Variants in SMG7 observed in about 807,000 individuals in gnomAD.
SMG7 encodes SMG7 nonsense mediated mRNA decay factor, also known as nonsense-mediated mRNA decay factor SMG7.
A neutral mutation model predicts 148.2 loss-of-function variants in SMG7; 34 were observed. The ratio of observed to expected loss-of-function variants is 0.23; its 90% CI spans 0.17 to 0.31. The LOEUF (loss-of-function observed/expected upper bound fraction) is 0.31. SMG7 is among the 10% of genes least tolerant of loss of function. The pLI is 1.00. For missense variants in SMG7, 1,114 were observed against 1,408.4 expected, an observed-to-expected ratio of 0.79 and a Z score of 3.35; for synonymous variants, 492 against 515.1, an observed-to-expected ratio of 0.96 and a Z score of 0.61.
In SMG7 at chr1:183,553,608, G is replaced by GCCCCCCCCCCCCCCCC. The variant is rs3832026; in HGVS notation, c.*1685_*1686insCCCCCCCCCCCCCCCC. 7 of 128,294 alleles carry GCCCCCCCCCCCCCCCC rather than the reference G, an allele frequency of 5.5e-5. No homozygotes were observed. Among genetic ancestry groups the GCCCCCCCCCCCCCCCC allele is most frequent in the Admixed American group, 9.0e-5 (1 of 11,096 alleles). 7.9% of individuals were successfully genotyped at this position (128,294 alleles called of 1,614,324 possible). A position where few individuals can be genotyped will look rare whatever the true frequency, so the allele number is the denominator to read the frequency against. ...TTGCTCTTCAGAGAGAGTGGTTGGA[G>GCCCCCCCCCCCCCCCC]CCCCCCCCGCCCCGTATGCTTACAT... On this transcript the variant is annotated 3_prime_UTR_variant, in exon 23 of 23. Coordinates refer to ENST00000688051, the MANE Select transcript of SMG7 (RefSeq NM_001375584.1).
In SMG7 at chr1:183,542,153, G is replaced by A. The variant is rs556214694; in HGVS notation, c.1493G>A (p.Ser498Asn). The change falls in exon 14 of 23, where the codon AGT (serine) becomes AAT (asparagine). Residue 498 changes from serine to asparagine, a missense_variant. Physicochemically the swap from Ser to Asn is conservative, Grantham distance 46. Transcript: ENST00000688051. ...CCAGAATTAATACTGGAAGACCCCA[G>A]TGAAGCCAAAGAGAACCTCATTCTG... ...EIPELILEDP[S>N]EAKENLILQE... is the part of the protein sequence containing the mutation. The A allele has an allele frequency of 6.2e-7, 1 of 1,614,126 alleles. No individual in the cohort carries two copies. The highest frequency in any genetic ancestry group is 1.3e-5 in the African/African-American group (1 of 75,036).
chr1:183,521,169 G>A (rs1289679695), intron 4 of SMG7, among the ~76,000 whole-genome samples: 1 of 151,340 alleles, frequency 6.6e-6, no homozygotes, highest in Non-Finnish European at 1.5e-5. Context: ...GTGCAGTGGC[G>A]CTCACTGCAA....
At position 183,552,865 on chromosome 1, in the gene SMG7, C is replaced by T. The variant is rs932589781; in HGVS notation, c.*934C>T. 46 of 1,434,776 alleles carry T rather than the reference C, an allele frequency of 3.2e-5. No homozygotes were observed. Among genetic ancestry groups the T allele is most frequent in the Non-Finnish European group, 4.0e-5 (44 of 1,098,822 alleles). The allele number at this position is 1,434,776 out of a possible 1,614,324, so 88.9% of individuals were successfully genotyped here. ...ATTTTTTCTTTGGTTGGTTTTTGTG[C>T]CCCCATTCTACTTCCCACCCTCCTG... is the stretch of plus-strand genomic sequence containing the variant. On this transcript the variant is annotated 3_prime_UTR_variant, in exon 23 of 23. Coordinates refer to ENST00000688051, the MANE Select transcript of SMG7 (RefSeq NM_001375584.1).
chr1:183,532,699 T>G (rs1667082707), intron 8 of SMG7, among the ~76,000 whole-genome samples: 1 of 152,194 alleles, frequency 6.6e-6, no homozygotes, highest in African/African-American at 2.4e-5. Flanking sequence ...AAGAGTAAAT[T>G]TTATGACAAA....
At position 183,554,123 on chromosome 1, in the gene SMG7, T is replaced by C. The variant is rs1671502467; in HGVS notation, c.*2192T>C. On this transcript the variant is annotated 3_prime_UTR_variant, in exon 23 of 23. Transcript: ENST00000688051. ...TTTTCTGGGTTTTGTTTTTTGTTTT[T>C]GTCTGTGCAAGACCTGCAGCTGCTG... 1.3e-5 allele frequency: 2 copies of C among 152,664 alleles called. No homozygotes were observed. The highest frequency in any genetic ancestry group is 4.1e-4 in the South Asian group (2 of 4,822). The allele number at this position is 152,664 out of a possible 1,614,324, so 9.5% of individuals were successfully genotyped here.
In SMG7 at chr1:183,506,653, TA is replaced by T. The variant is rs80096048; in HGVS notation, c.30-6170del. On this transcript the variant is annotated intron_variant, in intron 1 of 22. Coordinates refer to ENST00000688051, the MANE Select transcript of SMG7 (RefSeq NM_001375584.1). ...ACTTGTGGCTTTTGGTTAAATTTCT[TA>T]AAAAAAAAAAAAACACGAAAAAACT... Among the ~76,000 whole-genome samples the T allele has an allele frequency of 3.1e-3, 425 of 138,580 alleles. 4 individuals carry two copies. The highest frequency in any genetic ancestry group is 0.026 in the East Asian group (128 of 4,922). 90.9% of individuals were successfully genotyped at this position (138,580 alleles called of 152,430 possible).
chr1:183,474,039 C>T (rs151059279), intron 1 of SMG7: 282 of 209,372 alleles, frequency 1.3e-3, no homozygotes, highest in African/African-American at 6.1e-3. Flanking sequence ...CATATATGCC[C>T]AGTGACCACA....
At chr1:183,473,003 G>A (rs949694424) in intron 1 of SMG7, 3 of 321,990 alleles carry the variant, frequency 9.3e-6, no homozygotes, top group Non-Finnish European at 5.7e-6. Flanking sequence ...GGGTGTGGAG[G>A]AGTCTGATCC....
intron 18 of SMG7, among the ~76,000 whole-genome samples, chr1:183,547,896 T>C (rs1237511367): frequency 6.6e-6 from 1 of 152,174 alleles, no homozygotes; most frequent in Non-Finnish European, 1.5e-5. Flanking sequence ...TCAAAGAACA[T>C]CATTCTATAT....
At chr1:183,498,635 G>T (rs970708847) in intron 1 of SMG7, among the ~76,000 whole-genome samples, 1 of 152,154 alleles carries the variant, frequency 6.6e-6, no homozygotes, top group African/African-American at 2.4e-5. Context: ...CAGACAAATT[G>T]CGAGAAAGGT....
intron 1 of SMG7, among the ~76,000 whole-genome samples, chr1:183,511,031 A>G (rs1662003249): frequency 6.6e-6 from 1 of 151,822 alleles, no homozygotes; most frequent in South Asian, 2.1e-4. Flanking sequence ...GCATTGTGGC[A>G]TGCGCCTGTA....
intron 1 of SMG7, among the ~76,000 whole-genome samples, chr1:183,505,970 A>G (rs1309363195): frequency 6.6e-6 from 1 of 152,210 alleles, no homozygotes; most frequent in African/African-American, 2.4e-5. Context: ...CTGGTTTTCT[A>G]TTGAAGGACA....
chr1:183,524,238 C>T (rs963771577), intron 4 of SMG7, among the ~76,000 whole-genome samples: 4 of 152,062 alleles, frequency 2.6e-5, no homozygotes, highest in African/African-American at 7.2e-5. Flanking sequence ...TGCATGCCAC[C>T]ACACGTGGCT....
At chr1:183,491,533 G>A (rs1209994200) in intron 1 of SMG7, among the ~76,000 whole-genome samples, 1 of 152,080 alleles carries the variant, frequency 6.6e-6, no homozygotes, top group Non-Finnish European at 1.5e-5. Flanking sequence ...ATATACACTC[G>A]GGTACATACA....
chr1:183,517,531 G>T, intron 3 of SMG7, 157 bp from the exon 4 acceptor site: 1 of 728,382 alleles, frequency 1.4e-6, no homozygotes. Flanking sequence ...TGTTCAAAGG[G>T]AAGCATAAAG....
intron 15 of SMG7, 122 bp downstream of exon 15, chr1:183,544,619 CT>C: frequency 1.9e-6 from 2 of 1,036,518 alleles, no homozygotes; most frequent in South Asian, 1.7e-5. Context: ...TCTATTTTCC[CT>C]AATACTTATA....
chr1:183,484,586 C>G lies in SMG7; in HGVS notation c.29+11937C>G, dbSNP rs546056158. ...AGAATGTGTCACCAGGAACAATTCT[C>G]TCTCCCTTTAAATGCTAACAGGGAA... On this transcript the variant is annotated intron_variant, in intron 1 of 22. Coordinates refer to ENST00000688051, the MANE Select transcript of SMG7 (RefSeq NM_001375584.1). Among the ~76,000 whole-genome samples, 37 of 152,138 alleles carry G rather than the reference C, an allele frequency of 2.4e-4. No individual in the cohort carries two copies. The South Asian group carries it at 6.6e-3, about 27-fold the overall frequency.
At position 183,508,912 on chromosome 1, in the gene SMG7, T is replaced by G. The variant is rs112390184; in HGVS notation, c.30-3925T>G. ...AACTAATAAAAACAGACTTTTACTC[T>G]GCAGACACTATTGTTGATGATTCCT... On this transcript the variant is annotated intron_variant, in intron 1 of 22. Transcript: ENST00000688051. Among the ~76,000 whole-genome samples, 325 of 152,370 alleles carry G rather than the reference T, an allele frequency of 2.1e-3. 3 individuals are homozygous for G. Among genetic ancestry groups the G allele is most frequent in the African/African-American group, 7.3e-3 (302 of 41,586 alleles).
At chr1:183,534,574 C>CA (rs1667408992) in intron 10 of SMG7, among the ~76,000 whole-genome samples, 1 of 152,160 alleles carries the variant, frequency 6.6e-6, no homozygotes, top group Non-Finnish European at 1.5e-5. Context: ...ATTTAAGACC[C>CA]TGTGGGCCAA....
Sources: gnomAD v4.1 joint callset for allele counts (sites outside exome capture counted in the v4.1 genomes callset) on GRCh38, gnomAD v4.1.1 for gene constraint, MANE v1.5 for transcripts, NCBI Gene and HGNC (gene_info 2026-07-23, HGNC 2026-07-21) for gene names.